The following NPHP4 variants were observed in gnomAD, a reference collection of about 807,000 sequenced individuals.
NPHP4 encodes nephrocystin 4, also known as nephrocystin-4.
Under a neutral mutation model 155.8 loss-of-function variants are expected in NPHP4, and 151 were observed. The observed-to-expected ratio is 0.97, with a 90% CI of 0.85 to 1.11. NPHP4 has a LOEUF of 1.11. Among genes scored for constraint, NPHP4 ranks in the 50% least tolerant of loss-of-function variants. NPHP4 has a pLI of 0.00. For missense variants in NPHP4, 1,956 were observed against 1,925.7 expected (o/e 1.02, Z -0.29); for synonymous variants, 845 against 816.8 (o/e 1.03, Z -0.59).
intron 6 of NPHP4, among the ~76,000 whole-genome samples, chr1:5,955,583 C>T (rs1008068111): frequency 1.3e-5 from 2 of 152,242 alleles, no homozygotes; most frequent in East Asian, 3.8e-4. Context: ...CTGTCGCTTG[C>T]GACAACACAA....
intron 16 of NPHP4, among the ~76,000 whole-genome samples, chr1:5,898,424 A>G (rs554604566): frequency 4.6e-5 from 7 of 152,324 alleles, no homozygotes; most frequent in African/African-American, 1.7e-4. Flanking sequence ...CACTCTCGGG[A>G]GCCCTGGGCT....
At chr1:5,927,551 G>A in intron 11 of NPHP4, 98 bp downstream of exon 11, 1 of 1,259,712 alleles carries the variant, frequency 7.9e-7, no homozygotes, top group Non-Finnish European at 1.1e-6. Context: ...TCTTACAAAT[G>A]TGGTGATTAC....
In NPHP4 at chr1:5,863,344, T is replaced by C; in HGVS notation, c.4202A>G (p.Glu1401Gly). ...ATTGATGTAGATCAGGATCTCCTCC[T>C]CACCCACTCTCTGACTAGGCGCAAA... The part of the protein sequence containing the change: ...LQFAPSQRVG[E>G]EEILIYINDH... The change falls in exon 30 of 30, where the codon GAG becomes GGG. Residue 1401 changes from glutamate (E) to glycine (G), a missense_variant. Transcript: ENST00000378156. 6.2e-7 allele frequency: 1 copy of C among 1,613,964 alleles called. No homozygotes were observed. The highest frequency in any genetic ancestry group is 8.5e-7 in the Non-Finnish European group (1 of 1,179,820).
intron 18 of NPHP4, 133 bp downstream of exon 18, chr1:5,887,153 G>A (rs1643868385): frequency 4.8e-6 from 4 of 842,030 alleles, no homozygotes; most frequent in Admixed American, 5.5e-5. Context: ...CCATGGCCAA[G>A]CTGGTGAGAA....
At position 5,864,758 on chromosome 1, in the gene NPHP4, T is replaced by C. The variant is rs541206298; in HGVS notation, c.3817-241A>G. 5 of 541,956 alleles carry C rather than the reference T, an allele frequency of 9.2e-6. No individual in the cohort carries two copies. The East Asian group carries it at 1.4e-4, about 16-fold the overall frequency. 33.6% of individuals were successfully genotyped at this position (541,956 alleles called of 1,614,324 possible). A position where few individuals can be genotyped will look rare whatever the true frequency, so the allele number is the denominator to read the frequency against. The stretch of plus-strand genomic sequence containing the variant: ...TAAGCGCTGCCTCCGCAGACAGAAC[T>C]GAAGCCATCTTGGGCTTAAAACCCC... On this transcript the variant is annotated intron_variant, in intron 27 of 29. Coordinates refer to ENST00000378156, the MANE Select transcript of NPHP4 (RefSeq NM_015102.5).
chr1:5,951,563 A>G (rs1648061451), intron 7 of NPHP4, among the ~76,000 whole-genome samples: 1 of 152,202 alleles, frequency 6.6e-6, no homozygotes, highest in Non-Finnish European at 1.5e-5. Flanking sequence ...AAGGGGGCTG[A>G]GCCCAGGGCT....
rs376747054 is a variant in NPHP4 at position 5,977,167 on chromosome 1, G to C, written c.279+1103C>G. Among the ~76,000 whole-genome samples the C allele has an allele frequency of 3.9e-4, 59 of 152,206 alleles. No individual in the cohort carries two copies. The South Asian group carries it at 5.8e-3, about 15-fold the overall frequency. ...GCTGTGAAGCAGCAGCCAGGCATGGGAAAGGCCTCCATGACATCGCCGGCT... is the reference window on the plus strand; with the variant it reads ...GCTGTGAAGCAGCAGCCAGGCATGGCAAAGGCCTCCATGACATCGCCGGCT... On this transcript the variant is annotated intron_variant, in intron 3 of 29. Transcript: ENST00000378156.
Position 5,927,524 on chromosome 1 carries a change from G to A in NPHP4, c.1441+125C>T, listed in dbSNP as rs1463404244. The A allele has an allele frequency of 8.6e-6, 9 of 1,050,446 alleles. No individual in the cohort carries two copies. In the East Asian group the frequency reaches 2.2e-4, roughly 26 times the overall value. 65.1% of individuals were successfully genotyped at this position (1,050,446 alleles called of 1,614,324 possible). A position where few individuals can be genotyped will look rare whatever the true frequency, so the allele number is the denominator to read the frequency against. On this transcript the variant is annotated intron_variant, in intron 11 of 29. Coordinates refer to ENST00000378156, the MANE Select transcript of NPHP4 (RefSeq NM_015102.5). ...AACCCAACTAACAGATTCCATTAAT[G>A]CAATCTACGACGATTATCTTACAAA...
rs1214460640 is a variant in NPHP4 at position 5,877,321 on chromosome 1, G to A, written c.2612-23C>T. Reference sequence around the variant, plus strand: ...TTCCTGCGAAAGGGTCAGAGCGCGAGTCAGGTAGACGTGCAGTGTCTGCCT... The same window carrying A: ...TTCCTGCGAAAGGGTCAGAGCGCGAATCAGGTAGACGTGCAGTGTCTGCCT... On this transcript the variant is annotated intron_variant, in intron 19 of 29. Transcript: ENST00000378156. 2.6e-6 allele frequency: 4 copies of A among 1,561,776 alleles called. No homozygotes were observed. The South Asian group carries it at 3.5e-5, about 14-fold the overall frequency.
Position 5,890,102 on chromosome 1 carries a change from C to A in NPHP4, c.2304+766G>T, listed in dbSNP as rs1644042046. Among the ~76,000 whole-genome samples the A allele has an allele frequency of 6.6e-6, 1 of 152,000 alleles. No homozygotes were observed. Among genetic ancestry groups the A allele is most frequent in the African/African-American group, 2.4e-5 (1 of 41,356 alleles). ...AGCAGCTGCTGGAGAGGACAGGAAGCCCCGGGGGTTCAGCCGTGTCAGGAA... is the reference window on the plus strand; with the variant it reads ...AGCAGCTGCTGGAGAGGACAGGAAGACCCGGGGGTTCAGCCGTGTCAGGAA... On this transcript the variant is annotated intron_variant, in intron 17 of 29. Transcript: ENST00000378156. The surrounding 1 kb of genome is among the most constrained non-coding windows in gnomAD (Gnocchi z 4.9).
In NPHP4 at chr1:5,947,104, A is replaced by C. The variant is rs957523362; in HGVS notation, c.1119T>G (p.Asn373Lys). The change falls in exon 9 of 30, where the codon AAT (asparagine) becomes AAG (lysine). Residue 373 changes from asparagine (N) to lysine (K), a missense_variant and splice_region_variant. Transcript: ENST00000378156. ...VFSSPAGVDG[N>K]AASVTSLSNL... ...CCGAGTGCAAAAGGGCTGTTCTTAC[A>C]TTGCCGTCCACTCCTGCAGGGCTGC... 5 of 1,613,876 alleles carry C rather than the reference A, an allele frequency of 3.1e-6. No homozygotes were observed. The African/African-American group carries it at 6.7e-5, about 22-fold the overall frequency.
At chr1:5,967,831 A>G (rs1280173737) in intron 4 of NPHP4, among the ~76,000 whole-genome samples, 4 of 152,078 alleles carry the variant, frequency 2.6e-5, no homozygotes, top group Non-Finnish European at 5.9e-5. Context: ...AGGGATGCTG[A>G]TAAACATCCT....
chr1:5,880,353 C>A (rs1433071422), intron 18 of NPHP4, 114 bp from the exon 19 acceptor site: 2 of 1,014,092 alleles, frequency 2.0e-6, no homozygotes, highest in Non-Finnish European at 3.0e-6. Context: ...TACACCCTGA[C>A]ACGCTAAGGC....
intron 10 of NPHP4, among the ~76,000 whole-genome samples, chr1:5,932,098 T>G (rs1646307651): frequency 1.3e-5 from 2 of 151,994 alleles, no homozygotes; most frequent in South Asian, 4.1e-4. Context: ...CTAAGGATCA[T>G]CTAAGCCTTC....
intron 10 of NPHP4, 32 bp downstream of exon 10, chr1:5,933,115 C>T (rs1172405944): frequency 1.4e-6 from 2 of 1,452,346 alleles, no homozygotes; most frequent in Non-Finnish European, 1.9e-6. Context: ...AGAAGCTCAC[C>T]GGAGATGCAT....
chr1:5,883,472 CTGTG>C (rs1429603384), intron 18 of NPHP4, among the ~76,000 whole-genome samples: 2 of 152,226 alleles, frequency 1.3e-5, no homozygotes, highest in Non-Finnish European at 1.5e-5. Flanking sequence ...CAGCTTCTTG[CTGTG>C]TGTTTCTTCC....
intron 11 of NPHP4, among the ~76,000 whole-genome samples, chr1:5,917,630 A>G (rs1645542587): frequency 1.3e-5 from 2 of 152,314 alleles, no homozygotes; most frequent in South Asian, 4.1e-4. Context: ...ACAAATATGT[A>G]CTGAATGTTT....
chr1:5,896,082 T>C (rs1335862651), intron 16 of NPHP4, among the ~76,000 whole-genome samples: 1 of 152,030 alleles, frequency 6.6e-6, no homozygotes, highest in East Asian at 1.9e-4. Context: ...ACAGGGAAAA[T>C]AAAATGTAAA....
chr1:5,868,245 C>T (rs1409651803), intron 23 of NPHP4: 5 of 384,678 alleles, frequency 1.3e-5, no homozygotes, highest in Admixed American at 3.6e-5. Flanking sequence ...CTCCCGACAC[C>T]CTGTGTGCAT....
Sources: gnomAD v4.1 joint callset for allele counts (sites outside exome capture counted in the v4.1 genomes callset) on GRCh38, gnomAD v4.1.1 for gene constraint, Gnocchi (gnomAD v3.1) non-coding constraint, MANE v1.5 for transcripts, NCBI Gene and HGNC (gene_info 2026-07-23, HGNC 2026-07-21) for gene names.